Variants in UBXN2A observed in about 807,000 individuals in gnomAD.
UBXN2A encodes the protein UBX domain-containing protein 2A.
In UBXN2A, 28 loss-of-function variants were observed where a neutral mutation model predicts 28.4. The observed-to-expected ratio is 0.99, with a 90% confidence interval of 0.73 to 1.35. The LOEUF is 1.35. UBXN2A is among the 40% of genes most tolerant of loss of function. UBXN2A has a pLI of 0.00. For synonymous variants in UBXN2A, 97 were observed against 103.6 expected, an observed-to-expected ratio of 0.94 and a Z score of 0.39; for missense variants, 253 against 297.9, an observed-to-expected ratio of 0.85 and a Z score of 1.11.
intron 4 of UBXN2A, among the ~76,000 whole-genome samples, chr2:23,980,773 A>G (rs1188184642): frequency 6.6e-6 from 1 of 152,076 alleles, no homozygotes; most frequent in Non-Finnish European, 1.5e-5. Flanking sequence ...AATTACAGGC[A>G]TGTACCACCA....
intron 1 of UBXN2A, among the ~76,000 whole-genome samples, chr2:23,954,469 T>C (rs1436438584): frequency 1.3e-5 from 2 of 152,226 alleles, no homozygotes; most frequent in African/African-American, 4.8e-5. Context: ...TGAATATTGC[T>C]GTAGCCACCA....
At chr2:23,953,257 A>G (rs915349175) in intron 1 of UBXN2A, among the ~76,000 whole-genome samples, 5 of 152,190 alleles carry the variant, frequency 3.3e-5, no homozygotes, top group African/African-American at 1.2e-4. Context: ...TTTCATCCCA[A>G]ATTTTATTAT....
At chr2:23,995,259 C>A (rs1708484495) in intron 6 of UBXN2A, among the ~76,000 whole-genome samples, 1 of 151,796 alleles carries the variant, frequency 6.6e-6, no homozygotes, top group Non-Finnish European at 1.5e-5. Context: ...TGGAAAGTGC[C>A]CTCAGTGAAA....
intron 4 of UBXN2A, 133 bp downstream of exon 4, chr2:23,977,208 A>T (rs1210038229): frequency 4.9e-6 from 3 of 609,588 alleles, no homozygotes; most frequent in Middle Eastern, 3.9e-4. Flanking sequence ...ACTTAAAAAA[A>T]GAAAATTACC....
intron 6 of UBXN2A, among the ~76,000 whole-genome samples, chr2:23,985,922 G>C (rs1210238262): frequency 6.6e-6 from 1 of 152,148 alleles, no homozygotes; most frequent in Non-Finnish European, 1.5e-5. Context: ...CCAGGAGGTA[G>C]AGACTGCAGT....
chr2:23,971,491 C>T (rs1233228711), intron 3 of UBXN2A, 77 bp downstream of exon 3: 5 of 1,395,378 alleles, frequency 3.6e-6, no homozygotes, highest in Non-Finnish European at 3.8e-6. Context: ...TCCCTAAGGT[C>T]AAAATTGTTT....
intron 1 of UBXN2A, among the ~76,000 whole-genome samples, chr2:23,950,183 A>G (rs946300321): frequency 8.5e-5 from 13 of 152,136 alleles, no homozygotes; most frequent in African/African-American, 1.7e-4. Flanking sequence ...TTAAATGCCA[A>G]AAATCTAAAT....
At position 23,989,505 on chromosome 2, in the gene UBXN2A, G is replaced by A. The variant is rs141619270; in HGVS notation, c.584+4674G>A. On this transcript the variant is annotated intron_variant, in intron 6 of 6. Transcript: ENST00000309033. ...TGGACTCAAGCGATCCACCTGCCTC[G>A]GCCTCCCAAAGTGCTAGGATTACAG... 3.9e-3 allele frequency among the ~76,000 whole-genome samples: 587 copies of A among 151,432 alleles called. 3 individuals carry two copies. Among genetic ancestry groups the A allele is most frequent in the African/African-American group, 0.014 (566 of 41,374 alleles).
At chr2:23,970,207 C>G (rs1181946209) in intron 2 of UBXN2A, among the ~76,000 whole-genome samples, 1 of 152,048 alleles carries the variant, frequency 6.6e-6, no homozygotes, top group Non-Finnish European at 1.5e-5. Flanking sequence ...TTGGTTGAGC[C>G]CTGGAGGTTG....
chr2:23,939,088 C>G (rs548061730), upstream of UBXN2A, among the ~76,000 whole-genome samples: 5 of 152,110 alleles, frequency 3.3e-5, no homozygotes, highest in South Asian at 1.0e-3. Context: ...AGTCCCCGCA[C>G]TAAAGACTTA....
intron 2 of UBXN2A, among the ~76,000 whole-genome samples, chr2:23,959,999 T>C (rs1378613668): frequency 6.6e-6 from 1 of 151,972 alleles, no homozygotes; most frequent in Non-Finnish European, 1.5e-5. Context: ...ATGCCTGTAA[T>C]CCCAGCACTT....
chr2:23,974,174 C>T (rs1209386459), intron 3 of UBXN2A, among the ~76,000 whole-genome samples: 1 of 150,628 alleles, frequency 6.6e-6, no homozygotes, highest in African/African-American at 2.4e-5. Flanking sequence ...ACCACCACAC[C>T]TGGCTAATTT....
chr2:23,935,010 G>T (rs970142961), intron 1 of UBXN2A, among the ~76,000 whole-genome samples: 2 of 152,110 alleles, frequency 1.3e-5, no homozygotes, highest in African/African-American at 4.8e-5. Context: ...GGGAGGCAGA[G>T]GTTGCAGTGA....
chr2:23,997,176 C>G (rs980894866), intron 6 of UBXN2A: 7 of 152,196 alleles, frequency 4.6e-5, no homozygotes, highest in Admixed American at 3.9e-4. Context: ...CCTGCTTTGG[C>G]CTCCCAAAGT....
At chr2:23,981,325 T>TA (rs1410194295) in intron 4 of UBXN2A, among the ~76,000 whole-genome samples, 41 of 112,276 alleles carry the variant, frequency 3.7e-4, no homozygotes, top group African/African-American at 1.2e-3. Flanking sequence ...AAAAAAAACC[T>TA]AAAAAAATCA....
intron 1 of UBXN2A, among the ~76,000 whole-genome samples, chr2:23,932,812 AATC>A (rs1428135927): frequency 3.3e-5 from 5 of 152,226 alleles, no homozygotes; most frequent in South Asian, 4.1e-4. Context: ...ATCACAAAAG[AATC>A]ATCATGACAA....
At chr2:23,997,067 A>G (rs994591857) in intron 6 of UBXN2A, 2 of 152,096 alleles carry the variant, frequency 1.3e-5, no homozygotes, top group African/African-American at 2.4e-5. Flanking sequence ...GACTATACGC[A>G]TGTGCCACTG....
At position 24,003,957 on chromosome 2, in the gene UBXN2A, A is replaced by T. The variant is rs1315778789; in HGVS notation, c.*4090A>T. 6.6e-6 allele frequency: 1 copy of T among 152,028 alleles called. No homozygotes were observed. The highest frequency in any genetic ancestry group is 1.5e-5 in the Non-Finnish European group (1 of 67,998). The allele number at this position is 152,028 out of a possible 1,614,324, so 9.4% of individuals were successfully genotyped here. A position where few individuals can be genotyped will look rare whatever the true frequency, so the allele number is the denominator to read the frequency against. On this transcript the variant is annotated 3_prime_UTR_variant, in exon 7 of 7. Coordinates refer to ENST00000309033, the MANE Select transcript of UBXN2A (RefSeq NM_181713.4). Reference sequence around the variant, plus strand: ...ACCTATAGAAAAGCCTCTTTGGTAGATTTTCCGGTTTATAATTATTTAACC... The same window carrying T: ...ACCTATAGAAAAGCCTCTTTGGTAGTTTTTCCGGTTTATAATTATTTAACC...
At chr2:23,942,708 C>T (rs1408132737) in intron 1 of UBXN2A, among the ~76,000 whole-genome samples, 2 of 151,942 alleles carry the variant, frequency 1.3e-5, no homozygotes, top group East Asian at 1.9e-4. Flanking sequence ...CGTGAGCCAC[C>T]GTGCCCGGCT....
Sources: allele counts gnomAD v4.1 joint callset (sites outside exome capture counted in the v4.1 genomes callset), GRCh38; gene constraint gnomAD v4.1.1; transcripts MANE v1.5; gene names NCBI Gene and HGNC (gene_info 2026-07-23, HGNC 2026-07-21).